The following ZNF25 variants were observed in gnomAD, a reference collection of about 807,000 sequenced individuals.
ZNF25 encodes zinc finger protein 25.
Under a neutral mutation model 30.9 loss-of-function variants are expected in ZNF25, and 21 were observed. That is an observed-to-expected ratio of 0.68 (90% confidence interval 0.48 to 0.98). The LOEUF (loss-of-function observed/expected upper bound fraction) is 0.98. ZNF25 is among the 50% of genes least tolerant of loss of function. The pLI is 0.00. For synonymous variants in ZNF25, 169 were observed against 181.3 expected, an observed-to-expected ratio of 0.93 and a Z score of 0.55; for missense variants, 501 against 529.9, an observed-to-expected ratio of 0.95 and a Z score of 0.54.
intron 2 of ZNF25, among the ~76,000 whole-genome samples, chr10:37,967,578 T>C (rs915296870): frequency 6.6e-6 from 1 of 152,008 alleles, no homozygotes; most frequent in Non-Finnish European, 1.5e-5. Context: ...CCTGGCTAAT[T>C]TTTGTATTTT....
At chr10:37,960,060 G>T (rs181836801) in intron 2 of ZNF25, among the ~76,000 whole-genome samples, 9 of 152,190 alleles carry the variant, frequency 5.9e-5, no homozygotes, top group Non-Finnish European at 5.9e-5. Flanking sequence ...GACTATAGAT[G>T]CCCGCCACCA....
intron 3 of ZNF25, 147 bp downstream of exon 3, chr10:37,957,273 T>C: frequency 1.5e-6 from 2 of 1,303,702 alleles, no homozygotes; most frequent in Non-Finnish European, 2.1e-6. Flanking sequence ...AAATATTTTT[T>C]CTAGTACCCA....
chr10:37,954,378 A>G (rs996364406), intron 4 of ZNF25, among the ~76,000 whole-genome samples: 2 of 152,192 alleles, frequency 1.3e-5, no homozygotes, highest in Non-Finnish European at 1.5e-5. Context: ...AGAGTCCTGT[A>G]GCTTGGGCTT....
At chr10:37,965,822 CTATAAA>C (rs1304340460) in intron 2 of ZNF25, among the ~76,000 whole-genome samples, 17 of 152,058 alleles carry the variant, frequency 1.1e-4, no homozygotes, top group Non-Finnish European at 2.2e-4. Flanking sequence ...AAAATAGTAA[CTATAAA>C]TATATGTTAA....
chr10:37,973,789 T>G (rs748297371), intron 1 of ZNF25, among the ~76,000 whole-genome samples: 1 of 152,018 alleles, frequency 6.6e-6, no homozygotes, highest in Non-Finnish European at 1.5e-5. Flanking sequence ...ATCCTAAAAT[T>G]TATATGGAAC....
chr10:37,959,906 A>G (rs1476823313), intron 2 of ZNF25, among the ~76,000 whole-genome samples: 1 of 150,008 alleles, frequency 6.7e-6, no homozygotes, highest in East Asian at 2.0e-4. Context: ...CACCATGCCC[A>G]ACCGGTTTTT....
At chr10:37,970,539 T>C (rs180993165) in intron 2 of ZNF25, among the ~76,000 whole-genome samples, 1 of 152,224 alleles carries the variant, frequency 6.6e-6, no homozygotes, top group South Asian at 2.1e-4. Flanking sequence ...AATGGCTAAA[T>C]TCTTTCCCCC....
chr10:37,957,239 C>A (rs2062590521), intron 3 of ZNF25, 124 bp from the exon 4 acceptor site: 3 of 1,277,006 alleles, frequency 2.3e-6, no homozygotes, highest in East Asian at 4.8e-5. Flanking sequence ...AATTTAGATT[C>A]TTTCAGCGGG....
Position 37,950,658 on chromosome 10 carries a change from T to C in ZNF25, c.*1469A>G, listed in dbSNP as rs567212736. 1 of 152,278 alleles carries C rather than the reference T, an allele frequency of 6.6e-6. No homozygotes were observed. The highest frequency in any genetic ancestry group is 2.1e-4 in the South Asian group (1 of 4,824). The allele number at this position is 152,278 out of a possible 1,614,324, so 9.4% of individuals were successfully genotyped here. ...CTTGTGTCTCAGACACTATTCTAAG[T>C]GCTTTGAAAATGTTAACTCATTTAG... On this transcript the variant is annotated 3_prime_UTR_variant, in exon 6 of 6. Transcript: ENST00000302609.
chr10:37,954,780 A>G (rs748420727), intron 4 of ZNF25, among the ~76,000 whole-genome samples: 1 of 152,212 alleles, frequency 6.6e-6, no homozygotes, highest in Non-Finnish European at 1.5e-5. Context: ...TTGGAATTTC[A>G]TAGCAATGGT....
Position 37,952,048 on chromosome 10 carries a change from T to C in ZNF25, c.*79A>G, listed in dbSNP as rs976349689. The C allele has an allele frequency of 5.1e-5, 70 of 1,381,600 alleles. No individual in the cohort carries two copies. The highest frequency in any genetic ancestry group is 1.4e-5 in the Non-Finnish European group (14 of 1,020,126). 85.6% of individuals were successfully genotyped at this position (1,381,600 alleles called of 1,614,324 possible). ...TGAAAATTTCCCTCTATTGATGCGATTCATAAGGTGTACCTCTTGTGTGAA... is the reference window on the plus strand; with the variant it reads ...TGAAAATTTCCCTCTATTGATGCGACTCATAAGGTGTACCTCTTGTGTGAA... On this transcript the variant is annotated 3_prime_UTR_variant, in exon 6 of 6. Transcript: ENST00000302609.
chr10:37,966,706 A>T (rs1000302864), intron 2 of ZNF25, among the ~76,000 whole-genome samples: 2 of 152,170 alleles, frequency 1.3e-5, no homozygotes, highest in Non-Finnish European at 2.9e-5. Flanking sequence ...ACCTCCCACC[A>T]GGCCCCTCCT....
chr10:37,956,470 T>C (rs1219576874), intron 4 of ZNF25, among the ~76,000 whole-genome samples: 3 of 152,186 alleles, frequency 2.0e-5, no homozygotes, highest in Non-Finnish European at 4.4e-5. Flanking sequence ...TAAGAGTTTG[T>C]ATACAGGAAA....
chr10:37,964,716 G>T (rs1309093966), intron 2 of ZNF25, among the ~76,000 whole-genome samples: 1 of 152,184 alleles, frequency 6.6e-6, no homozygotes, highest in African/African-American at 2.4e-5. Flanking sequence ...GGGAATCAAA[G>T]CATAAAGTCT....
chr10:37,957,529 C>A lies in ZNF25; in HGVS notation c.33G>T (p.Lys11Asn), dbSNP rs752816834. Reference protein sequence around the residue: MNKFQGPVTLKDVIVEFTKEE... With the variant: MNKFQGPVTLNDVIVEFTKEE... ...CCTTGGTGAATTCCACAATAACATC[C>A]TTTAATGTCACGGGTCCCTGGAATA... The change falls in exon 3 of 6, where the codon AAG becomes AAT. Residue 11 changes from lysine (K) to asparagine (N), a missense_variant. Coordinates refer to ENST00000302609, the MANE Select transcript of ZNF25 (RefSeq NM_145011.4). The A allele has an allele frequency of 6.2e-7, 1 of 1,613,466 alleles. No individual in the cohort carries two copies. The highest frequency in any genetic ancestry group is 1.1e-5 in the South Asian group (1 of 90,908).
intron 1 of ZNF25, among the ~76,000 whole-genome samples, chr10:37,975,443 C>T (rs574376300): frequency 1.6e-4 from 24 of 151,310 alleles, no homozygotes; most frequent in Non-Finnish European, 2.8e-4. Flanking sequence ...ATGGTGCTTA[C>T]GAAATGCCTA....
Position 37,961,828 on chromosome 10 carries a change from G to A in ZNF25, c.16-4282C>T, listed in dbSNP as rs147731032. Among the ~76,000 whole-genome samples the A allele has an allele frequency of 6.7e-3, 980 of 146,746 alleles. 11 individuals are homozygous for A. The highest frequency in any genetic ancestry group is 0.055 in the South Asian group (255 of 4,664). On this transcript the variant is annotated intron_variant, in intron 2 of 5. Transcript: ENST00000302609. The stretch of plus-strand genomic sequence containing the variant: ...CCCAGCTACTCAGGAGGCTGAGGCA[G>A]AAGAAGCACTTGAACCTGGGATGCG...
At position 37,952,728 on chromosome 10, in the gene ZNF25, G is replaced by A. The variant is rs889828382; in HGVS notation, c.770C>T (p.Pro257Leu). The A allele has an allele frequency of 1.9e-6, 3 of 1,613,950 alleles. No homozygotes were observed. Among genetic ancestry groups the A allele is most frequent in the East Asian group, 2.2e-5 (1 of 44,818 alleles). Residue 257 changes from proline to leucine, a missense_variant, in exon 6 of 6, where the codon CCC becomes CTC. Coordinates refer to ENST00000302609, the MANE Select transcript of ZNF25 (RefSeq NM_145011.4). Reference protein sequence around the residue: ...VHQKTHTGEKPYECKECGKAF... With the variant: ...VHQKTHTGEKLYECKECGKAF... ...TTTCCCACACTCCTTACACTCATAG[G>A]GTTTCTCCCCTGTGTGTGTTTTCTG...
At chr10:37,967,345 G>A (rs2063239864) in intron 2 of ZNF25, among the ~76,000 whole-genome samples, 1 of 151,954 alleles carries the variant, frequency 6.6e-6, no homozygotes, top group Non-Finnish European at 1.5e-5. Flanking sequence ...ACTGGCATAA[G>A]GACAGACATA....
Sources: gnomAD v4.1 joint callset for allele counts (sites outside exome capture counted in the v4.1 genomes callset) on GRCh38, gnomAD v4.1.1 for gene constraint, MANE v1.5 for transcripts, NCBI Gene and HGNC (gene_info 2026-07-23, HGNC 2026-07-21) for gene names.